OPCML: variants seen among roughly 807,000 people sequenced by gnomAD.
OPCML encodes the protein opioid-binding protein/cell adhesion molecule.
OPCML carries 13 observed loss-of-function variants against 37.8 expected under a neutral mutation model. The ratio of observed to expected loss-of-function variants is 0.34; its 90% CI spans 0.22 to 0.55. OPCML has a LOEUF of 0.55. OPCML is among the 20% of genes least tolerant of loss of function. The pLI, the probability that OPCML is intolerant of heterozygous loss-of-function variation, is 0.91. For synonymous variants in OPCML, 176 were observed against 168.8 expected (o/e 1.04, Z -0.33); for missense variants, 341 against 435.6 (o/e 0.78, Z 1.93).
In OPCML at chr11:133,532,447, A is replaced by T; in HGVS notation, c.-123T>A. 8.4e-7 allele frequency: 1 copy of T among 1,184,586 alleles called. No individual in the cohort carries two copies. The highest frequency in any genetic ancestry group is 1.2e-6 in the Non-Finnish European group (1 of 822,890). The allele number at this position is 1,184,586 out of a possible 1,614,324, so 73.4% of individuals were successfully genotyped here. Reference sequence around the variant, plus strand: ...ATCCAATGTTTGCAAAGGGAGGGAGAGAGCAGAAGAGAGAGAGAGCGCGCG... The same window carrying T: ...ATCCAATGTTTGCAAAGGGAGGGAGTGAGCAGAAGAGAGAGAGAGCGCGCG... On this transcript the variant is annotated 5_prime_UTR_variant, in exon 1 of 8. Transcript: ENST00000524381.
intron 1 of OPCML, among the ~76,000 whole-genome samples, chr11:132,975,029 C>G (rs1322098665): frequency 6.6e-6 from 1 of 151,742 alleles, no homozygotes; most frequent in Non-Finnish European, 1.5e-5. Context: ...ATATATCCAC[C>G]TGCTATTTTA....
intron 1 of OPCML, among the ~76,000 whole-genome samples, chr11:133,484,606 T>A (rs1055269755): frequency 9.2e-5 from 14 of 152,164 alleles, no homozygotes; most frequent in Non-Finnish European, 2.1e-4. Flanking sequence ...ACTTTTCAAA[T>A]TCATTTATAA....
intron 4 of OPCML, among the ~76,000 whole-genome samples, chr11:132,481,933 A>G (rs1246477582): frequency 1.4e-5 from 2 of 147,632 alleles, no homozygotes; most frequent in Non-Finnish European, 3.0e-5. Context: ...TGTAGAGGGA[A>G]ATTTATAGCA....
At position 132,529,086 on chromosome 11, in the gene OPCML, C is replaced by T; in HGVS notation, c.480G>A (p.Val160=). Residue 160 remains valine, a synonymous_variant, in exon 4 of 8, where the codon GTG becomes GTA. Coordinates refer to ENST00000524381, the MANE Select transcript of OPCML (RefSeq NM_001012393.5). ...CLAIGRPEPT[V]TWRHLSVKEG... The stretch of plus-strand genomic sequence containing the variant: ...CCTTGACTGACAGGTGTCTCCATGT[C>T]ACAGTTGGCTCTGGTCTGCCAATAG... The T allele has an allele frequency of 1.2e-6, 2 of 1,613,210 alleles. No homozygotes were observed. The highest frequency in any genetic ancestry group is 1.7e-6 in the Non-Finnish European group (2 of 1,179,434).
chr11:132,569,795 T>C (rs2096432976), intron 3 of OPCML, among the ~76,000 whole-genome samples: 1 of 152,122 alleles, frequency 6.6e-6, no homozygotes, highest in Non-Finnish European at 1.5e-5. Flanking sequence ...GACTCCCTAA[T>C]ACAATGGTCT....
chr11:133,158,753 A>G lies in OPCML; in HGVS notation c.62-215743T>C, dbSNP rs962368603. 1.1e-4 allele frequency among the ~76,000 whole-genome samples: 17 copies of G among 150,652 alleles called. No individual in the cohort carries two copies. The South Asian group carries it at 1.7e-3, about 15-fold the overall frequency. On this transcript the variant is annotated intron_variant, in intron 1 of 7. Coordinates refer to ENST00000524381, the MANE Select transcript of OPCML (RefSeq NM_001012393.5). ...AAAATAAAATAAAATAAAATAAAAT[A>G]AAATGAAAATTAAAAAAAATTTCTA... is the stretch of plus-strand genomic sequence containing the variant.
At chr11:132,732,406 A>G (rs1945945) in intron 2 of OPCML, among the ~76,000 whole-genome samples, 104,171 of 152,078 alleles carry the variant, frequency 0.68, 36,384 homozygotes, top group African/African-American at 0.8. Context: ...GGTTATAGAC[A>G]AAGTAGTAAA....
At chr11:133,499,518 T>C (rs1225141430) in intron 1 of OPCML, among the ~76,000 whole-genome samples, 4 of 151,958 alleles carry the variant, frequency 2.6e-5, no homozygotes, top group Non-Finnish European at 4.4e-5. Flanking sequence ...TTCTGACCTT[T>C]CCTTGGTCCC....
intron 2 of OPCML, among the ~76,000 whole-genome samples, chr11:132,763,144 C>G (rs976923160): frequency 6.6e-6 from 1 of 152,096 alleles, no homozygotes; most frequent in African/African-American, 2.4e-5. Context: ...TGGGCTGCAC[C>G]CATTGTCTAA....
intron 2 of OPCML, among the ~76,000 whole-genome samples, chr11:132,935,916 G>C (rs1348170530): frequency 6.6e-6 from 1 of 152,182 alleles, no homozygotes; most frequent in Non-Finnish European, 1.5e-5. Context: ...GGCCCTTTGA[G>C]GTTCCATATG....
intron 3 of OPCML, among the ~76,000 whole-genome samples, chr11:132,613,607 G>A (rs1938802337): frequency 1.3e-5 from 2 of 152,132 alleles, no homozygotes; most frequent in South Asian, 2.1e-4. Flanking sequence ...TTCCTTGTAT[G>A]ACTAATCTTA....
chr11:133,530,253 G>T (rs1948577858), intron 1 of OPCML, among the ~76,000 whole-genome samples: 1 of 152,172 alleles, frequency 6.6e-6, no homozygotes, highest in Non-Finnish European at 1.5e-5. Context: ...AGTGCCACGG[G>T]ACCCCTAGAA....
intron 2 of OPCML, among the ~76,000 whole-genome samples, chr11:132,660,049 T>G (rs1310517579): frequency 6.6e-6 from 1 of 152,144 alleles, no homozygotes; most frequent in Non-Finnish European, 1.5e-5. Context: ...AATATAAAAT[T>G]GATAGAACAT....
Position 133,013,016 on chromosome 11 carries a change from G to C in OPCML, c.62-70006C>G, listed in dbSNP as rs538079399. Among the ~76,000 whole-genome samples the C allele has an allele frequency of 2.4e-4, 36 of 152,246 alleles. No individual in the cohort carries two copies. The South Asian group carries it at 3.7e-3, about 16-fold the overall frequency. The stretch of plus-strand genomic sequence containing the variant: ...TAAACTGGTCTGGCACCTCTCATGG[G>C]ACTTGGCACCAGAGTTATTTAATTA... On this transcript the variant is annotated intron_variant, in intron 1 of 7. Coordinates refer to ENST00000524381, the MANE Select transcript of OPCML (RefSeq NM_001012393.5).
At chr11:132,459,208 C>G (rs970248914) in intron 4 of OPCML, among the ~76,000 whole-genome samples, 1 of 152,120 alleles carries the variant, frequency 6.6e-6, no homozygotes, top group Non-Finnish European at 1.5e-5. Context: ...ACTGACCCTC[C>G]TGGCCTCAGG....
chr11:133,314,195 A>T (rs1943143151), intron 1 of OPCML, among the ~76,000 whole-genome samples: 1 of 126,060 alleles, frequency 7.9e-6, no homozygotes, highest in African/African-American at 3.2e-5. Flanking sequence ...AGATCGCGCC[A>T]CTGCACTCCA....
At chr11:132,895,486 T>C (rs1943803780) in intron 2 of OPCML, among the ~76,000 whole-genome samples, 1 of 152,222 alleles carries the variant, frequency 6.6e-6, no homozygotes, top group Non-Finnish European at 1.5e-5. Flanking sequence ...GCGCTTATCA[T>C]ATGACTGACT....
At chr11:132,718,272 G>A (rs1330723850) in intron 2 of OPCML, among the ~76,000 whole-genome samples, 2 of 152,204 alleles carry the variant, frequency 1.3e-5, no homozygotes, top group African/African-American at 4.8e-5. Context: ...AGCACCAGTG[G>A]TGGGTTCAGG....
At chr11:132,953,594 T>C (rs1945910967) in intron 1 of OPCML, among the ~76,000 whole-genome samples, 1 of 152,330 alleles carries the variant, frequency 6.6e-6, no homozygotes, top group Non-Finnish European at 1.5e-5. Context: ...AAAATGTGTT[T>C]TTTAAATGTT....
Sources: gnomAD v4.1 joint callset for allele counts (sites outside exome capture counted in the v4.1 genomes callset) on GRCh38, gnomAD v4.1.1 for gene constraint, MANE v1.5 for transcripts, NCBI Gene and HGNC (gene_info 2026-07-23, HGNC 2026-07-21) for gene names.